ARMCX4: variants seen among roughly 807,000 people sequenced by gnomAD.
ARMCX4 encodes the protein armadillo repeat containing X-linked 4, also known as armadillo repeat-containing X-linked protein 4.
In ARMCX4, 3 loss-of-function variants were observed where a neutral mutation model predicts 34.7. The observed-to-expected ratio is 0.09, with a 90% CI of 0.04 to 0.22. The LOEUF (loss-of-function observed/expected upper bound fraction) is 0.22, where lower values mean the gene tolerates loss of function less well. Among genes scored for constraint, ARMCX4 ranks in the 10% least tolerant of loss-of-function variants. ARMCX4 has a pLI of 1.00. For missense variants in ARMCX4, 1,448 were observed against 1,720.8 expected, an observed-to-expected ratio of 0.84 and a Z score of 2.81; for synonymous variants, 513 against 632.8, an observed-to-expected ratio of 0.81 and a Z score of 2.84.
At chrX:101,503,946 C>T (rs1389943935) in intron 7 of ARMCX4, among the ~76,000 whole-genome samples, 81 of 111,508 alleles carry the variant, frequency 7.3e-4, no homozygotes, top group African/African-American at 2.6e-3. Flanking sequence ...TTTAATCCAT[C>T]TTGAATTAAT....
intron 11 of ARMCX4, among the ~76,000 whole-genome samples, chrX:101,517,163 T>C (rs1934763072): frequency 8.9e-6 from 1 of 111,921 alleles, no homozygotes; most frequent in Non-Finnish European, 1.9e-5. Flanking sequence ...ACCTAATATG[T>C]AGTGTCTGTT....
downstream of ARMCX4, among the ~76,000 whole-genome samples, chrX:101,449,228 T>C (rs1170777666): frequency 8.9e-6 from 1 of 112,299 alleles, no homozygotes; most frequent in Non-Finnish European, 1.9e-5. Flanking sequence ...ATAACTTTCT[T>C]GTACTTTGAT....
chrX:101,505,716 A>G (rs1273097485), intron 8 of ARMCX4, among the ~76,000 whole-genome samples: 1 of 112,139 alleles, frequency 8.9e-6, no homozygotes, highest in Non-Finnish European at 1.9e-5. Context: ...TTTTTCTTTA[A>G]AAAATTGTGA....
At chrX:101,463,852 T>C (rs1361899147) in intron 4 of ARMCX4, among the ~76,000 whole-genome samples, 1 of 110,367 alleles carries the variant, frequency 9.1e-6, no homozygotes, top group Non-Finnish European at 1.9e-5. Context: ...CAGGCTCAAG[T>C]GATGGATCCT....
At chrX:101,450,553 G>A (rs1555998927), downstream of ARMCX4, among the ~76,000 whole-genome samples, 1 of 111,724 alleles carries the variant, frequency 9.0e-6, no homozygotes, top group Non-Finnish European at 1.9e-5. Flanking sequence ...CCCACTTTGT[G>A]CTCTACTTCC....
chrX:101,531,457 T>C (rs782369656), intron 11 of ARMCX4, among the ~76,000 whole-genome samples: 7 of 111,810 alleles, frequency 6.3e-5, no homozygotes, highest in Non-Finnish European at 1.1e-4. Context: ...TCTCTAAGGC[T>C]AACATAATGC....
rs940247814 is a variant in ARMCX4 at position 101,491,487 on chromosome X, T to G, written c.2898T>G (p.Asn966Lys). Reference sequence around the variant, plus strand: ...GTGAGGTCTTGCCTGGGGCCAAAAATAAGGTCAGGGGCAATTCCAATGCTG... The same window carrying G: ...GTGAGGTCTTGCCTGGGGCCAAAAAGAAGGTCAGGGGCAATTCCAATGCTG... ...FQGEVLPGAKNKVRGNSNAVP... is the reference protein window; with the variant it reads ...FQGEVLPGAKKKVRGNSNAVP... The change falls in exon 6 of 6, where the codon AAT becomes AAG. Residue 966 changes from asparagine (N) to lysine (K), a missense_variant. This residue lies in a region of ARMCX4 where 1,343 missense variants were observed against 1,540.7 expected (regional missense o/e 0.87). Coordinates refer to ENST00000423738, the MANE Select transcript of ARMCX4 (RefSeq NM_001256155.3). 1.6e-5 allele frequency: 18 copies of G among 1,152,290 alleles called. No homozygotes were observed. Among genetic ancestry groups the G allele is most frequent in the Non-Finnish European group, 2.1e-5 (18 of 871,995 alleles). 95.0% of individuals were successfully genotyped at this position (1,152,290 alleles called of 1,213,427 possible).
intron 4 of ARMCX4, among the ~76,000 whole-genome samples, chrX:101,471,086 T>G (rs1932890206): frequency 8.9e-6 from 1 of 112,410 alleles, no homozygotes; most frequent in Non-Finnish European, 1.9e-5. Context: ...TGTTGAGGAC[T>G]AGATATCTAC....
downstream of ARMCX4, among the ~76,000 whole-genome samples, chrX:101,449,741 C>T (rs1931870194): frequency 9.0e-6 from 1 of 111,585 alleles, no homozygotes. Flanking sequence ...ACGGTGAGGT[C>T]GTGTTTCCCT....
downstream of ARMCX4, chrX:101,498,034 C>G: frequency 2.3e-5 from 6 of 265,110 alleles, no homozygotes; most frequent in Non-Finnish European, 4.3e-5. Context: ...CACCCCCTAC[C>G]TGGGGGTATT....
intron 11 of ARMCX4, among the ~76,000 whole-genome samples, chrX:101,529,491 A>G (rs782347838): frequency 7.1e-5 from 8 of 112,204 alleles, no homozygotes; most frequent in African/African-American, 2.6e-4. Flanking sequence ...ATGGGATCCA[A>G]TTAAACTAAA....
chrX:101,420,358 C>CA (rs1274379022), intron 2 of ARMCX4, among the ~76,000 whole-genome samples: 30 of 105,214 alleles, frequency 2.9e-4, no homozygotes, highest in South Asian at 1.7e-3. Context: ...GCCTCCGTCT[C>CA]AAAAAAAAAC....
chrX:101,488,488 A>C lies in ARMCX4; in HGVS notation c.-102A>C, dbSNP rs1556007485. 2.6e-6 allele frequency: 3 copies of C among 1,137,440 alleles called. No individual in the cohort carries two copies. The highest frequency in any genetic ancestry group is 4.0e-5 in the South Asian group (2 of 49,977). The allele number at this position is 1,137,440 out of a possible 1,213,427, so 93.7% of individuals were successfully genotyped here. ...TGTAGTGGCCTTTGAGTGGCTGAAG[A>C]CCAGCACCCTCACAGGCCTACACCC... On this transcript the variant is annotated 5_prime_UTR_variant, in exon 6 of 6. Coordinates refer to ENST00000423738, the MANE Select transcript of ARMCX4 (RefSeq NM_001256155.3).
rs781853388 is a variant in ARMCX4 at position 101,490,084 on chromosome X, A to T, written c.1495A>T (p.Met499Leu). The T allele has an allele frequency of 8.7e-7, 1 of 1,154,219 alleles. No individual in the cohort carries two copies. Among genetic ancestry groups the T allele is most frequent in the African/African-American group, 1.8e-5 (1 of 55,795 alleles). Reference sequence around the variant, plus strand: ...TAAGGTCAGGGGCAATGTCAATACCATGCCTAAGGAAGGAGCTGGGGTGGA... The same window carrying T: ...TAAGGTCAGGGGCAATGTCAATACCTTGCCTAAGGAAGGAGCTGGGGTGGA... ...KIKVRGNVNT[M>L]PKEGAGVDMK... is the part of the protein sequence containing the mutation. Residue 499 changes from methionine (M) to leucine (L), a missense_variant, in exon 6 of 6, where the codon ATG (methionine) becomes TTG (leucine). Physicochemically the swap from Met to Leu is conservative, Grantham distance 15. Coordinates refer to ENST00000423738, the MANE Select transcript of ARMCX4 (RefSeq NM_001256155.3).
intron 2 of ARMCX4, among the ~76,000 whole-genome samples, chrX:101,439,339 C>A (rs1267044927): frequency 3.9e-4 from 43 of 111,522 alleles, no homozygotes; most frequent in African/African-American, 1.4e-3. Flanking sequence ...CCGAGAGATC[C>A]GCTGTTAGTC....
At chrX:101,487,587 T>C (rs1556007185) in intron 3 of ARMCX4, 21 bp from the exon 4 acceptor site, 2 of 897,732 alleles carry the variant, frequency 2.2e-6, no homozygotes, top group Non-Finnish European at 1.4e-6. Flanking sequence ...CATTACCTAC[T>C]GTTTGTTTAC....
intron 1 of ARMCX4, chrX:101,418,872 T>G (rs1305860313): frequency 9.2e-6 from 1 of 109,031 alleles, no homozygotes; most frequent in Non-Finnish European, 1.9e-5. Context: ...TGCTTCAGCT[T>G]TTATGGCTTG....
chrX:101,443,703 C>G (rs782145343), intron 2 of ARMCX4: 1 of 248,322 alleles, frequency 4.0e-6, no homozygotes, highest in Non-Finnish European at 7.5e-6. Flanking sequence ...ATCTACAGTC[C>G]GCAATAGTTC....
intron 4 of ARMCX4, among the ~76,000 whole-genome samples, chrX:101,458,143 A>AT (rs199609086): frequency 0.21 from 22,313 of 106,960 alleles, 1,904 homozygotes; most frequent in East Asian, 0.42. Context: ...GCCAATAAAG[A>AT]TTTTTTTTTT....
Sources: gnomAD v4.1 joint callset for allele counts (sites outside exome capture counted in the v4.1 genomes callset) on GRCh38, gnomAD v4.1.1 for gene constraint, gnomAD v4.1.1 regional missense constraint, MANE v1.5 for transcripts, NCBI Gene and HGNC (gene_info 2026-07-23, HGNC 2026-07-21) for gene names.